The following SEMA3F variants were observed in gnomAD, a reference collection of about 807,000 sequenced individuals.
SEMA3F encodes semaphorin-3F.
SEMA3F carries 30 observed loss-of-function variants against 98.5 expected under a neutral mutation model. The ratio of observed to expected loss-of-function variants is 0.30; its 90% confidence interval spans 0.23 to 0.41. The LOEUF is 0.41. SEMA3F is among the 10% of genes least tolerant of loss of function. SEMA3F has a pLI of 1.00. For synonymous variants in SEMA3F, 380 were observed against 444.8 expected (o/e 0.85, Z 1.83); for missense variants, 866 against 1,119.3 (o/e 0.77, Z 3.23).
At chr3:50,185,631 C>G (rs776109296) in intron 14 of SEMA3F, 35 bp from the exon 15 acceptor site, 1 of 1,613,900 alleles carries the variant, frequency 6.2e-7, no homozygotes, top group Non-Finnish European at 8.5e-7. Context: ...GGAGGGGGTC[C>G]CTGGCATCCC....
At chr3:50,174,987 C>T (rs1031483165) in intron 5 of SEMA3F, 109 bp from the exon 6 acceptor site, 8 of 736,322 alleles carry the variant, frequency 1.1e-5, no homozygotes, top group African/African-American at 5.2e-5. Flanking sequence ...GGGGGGCCCA[C>T]GTGTTCACGT....
rs150035881 is a variant in SEMA3F, at chr3:50,180,982, G to T, written c.644-1302G>T. Among the ~76,000 whole-genome samples the T allele has an allele frequency of 1.9e-3, 284 of 151,930 alleles. 3 individuals are homozygous for T. Among genetic ancestry groups the T allele is most frequent in the African/African-American group, 6.1e-3 (254 of 41,406 alleles). Reference sequence around the variant, plus strand: ...CTTGGGAGGCTGAGGCAAGAGAGTTGCTTGAGCCTGGGAGGTGGAGGTTGT... The same window carrying T: ...CTTGGGAGGCTGAGGCAAGAGAGTTTCTTGAGCCTGGGAGGTGGAGGTTGT... On this transcript the variant is annotated intron_variant, in intron 7 of 18. Transcript: ENST00000002829.
Position 50,187,821 on chromosome 3 carries a change from C to T in SEMA3F, c.2064C>T (p.Val688=), listed in dbSNP as rs529928717. The T allele has an allele frequency of 1.2e-5, 19 of 1,613,496 alleles. No individual in the cohort carries two copies. The highest frequency in any genetic ancestry group is 2.2e-5 in the East Asian group (1 of 44,882). The change falls in exon 19 of 19, where the codon GTC becomes GTT. Residue 688 remains valine, a synonymous_variant. Transcript: ENST00000002829. ...CCACTGAGAACAACTTTAAGCACGTCGTCACACGAGTGCAGCTGCATGTAC... is the reference window on the plus strand; with the variant it reads ...CCACTGAGAACAACTTTAAGCACGTTGTCACACGAGTGCAGCTGCATGTAC... ...CTATENNFKH[V]VTRVQLHVLG...
At chr3:50,174,987 CGTGTTCACGT>C in intron 5 of SEMA3F, 99 bp from the exon 6 acceptor site, 1 of 736,440 alleles carries the variant, frequency 1.4e-6, no homozygotes, top group Non-Finnish European at 2.4e-6. Flanking sequence ...GGGGGGCCCA[CGTGTTCACGT>C]GTGTTCCTGG....
intron 18 of SEMA3F, 121 bp from the exon 19 acceptor site, chr3:50,187,584 T>G (rs752520044): frequency 2.6e-5 from 18 of 679,464 alleles, no homozygotes; most frequent in Non-Finnish European, 3.7e-5. Context: ...TTTTCTGGCA[T>G]ATGGAAATCC....
intron 2 of SEMA3F, among the ~76,000 whole-genome samples, chr3:50,165,511 G>A (rs1298353769): frequency 2.0e-5 from 3 of 152,226 alleles, no homozygotes. Flanking sequence ...CCTGCCGTGT[G>A]TCCTAGGGGT....
At chr3:50,183,119 A>G in intron 10 of SEMA3F, 67 bp from the exon 11 acceptor site, 1 of 1,569,062 alleles carries the variant, frequency 6.4e-7, no homozygotes, top group Non-Finnish European at 8.8e-7. Context: ...TCCCCTGTGC[A>G]GGAGTGGGTG....
chr3:50,183,307 T>C (rs1355883709), intron 11 of SEMA3F, 52 bp downstream of exon 11: 2 of 1,606,676 alleles, frequency 1.2e-6, no homozygotes, highest in African/African-American at 2.7e-5. Flanking sequence ...CGTTGGGGGA[T>C]TGTAACTCGT....
rs1490344216 is a variant in SEMA3F at position 50,185,678 on chromosome 3, G to A, written c.1558G>A (p.Val520Ile). 3.7e-6 allele frequency: 6 copies of A among 1,614,184 alleles called. No homozygotes were observed. Among genetic ancestry groups the A allele is most frequent in the South Asian group, 2.2e-5 (2 of 91,080 alleles). ...EVEVFKDPAP[V>I]KTMTISSKRQ... ...TATCTTTTTCTAGGATCCAGCACCC[G>A]TCAAGACCATGACCATCTCTTCTAA... Residue 520 changes from valine to isoleucine, a missense_variant, in exon 15 of 19, where the codon GTC (valine) becomes ATC (isoleucine). Around this residue, in one of 3 missense-constraint regions of SEMA3F, gnomAD observed 374 missense variants for 582.8 expected, o/e 0.64. Coordinates refer to ENST00000002829, the MANE Select transcript of SEMA3F (RefSeq NM_004186.5).
At chr3:50,181,643 A>T (rs1241965485) in intron 7 of SEMA3F, among the ~76,000 whole-genome samples, 17 of 142,538 alleles carry the variant, frequency 1.2e-4, no homozygotes, top group Non-Finnish European at 2.4e-4. Context: ...TTTTTTTAAG[A>T]TGGAGCCTTG....
intron 13 of SEMA3F, 140 bp downstream of exon 13, chr3:50,184,954 T>C (rs1392681819): frequency 3.0e-6 from 2 of 656,702 alleles, no homozygotes; most frequent in Admixed American, 5.4e-5. Context: ...TTTGGTGCCT[T>C]CTCCCTATTG....
chr3:50,172,842 A>G (rs1205565810), intron 2 of SEMA3F, among the ~76,000 whole-genome samples: 1 of 152,144 alleles, frequency 6.6e-6, no homozygotes, highest in African/African-American at 2.4e-5. Flanking sequence ...TCCAGGCTCC[A>G]TGCCAGAGTC....
intron 2 of SEMA3F, among the ~76,000 whole-genome samples, chr3:50,165,320 T>C (rs1206516632): frequency 2.0e-5 from 3 of 152,138 alleles, no homozygotes; most frequent in African/African-American, 7.2e-5. Flanking sequence ...CTGTTTCTGG[T>C]TTTTAAGCTC....
intron 12 of SEMA3F, chr3:50,184,236 T>G (rs987558980): frequency 3.2e-6 from 1 of 308,378 alleles, no homozygotes; most frequent in Non-Finnish European, 6.2e-6. Flanking sequence ...CGTCGGGGCC[T>G]GCAGTCCAGC....
chr3:50,172,177 C>T (rs1353298370), intron 2 of SEMA3F, among the ~76,000 whole-genome samples: 1 of 152,198 alleles, frequency 6.6e-6, no homozygotes, highest in Non-Finnish European at 1.5e-5. Flanking sequence ...GGAGATGAGA[C>T]ATGTGTGACC....
chr3:50,169,083 G>A (rs1471240427), intron 2 of SEMA3F, among the ~76,000 whole-genome samples: 1 of 152,164 alleles, frequency 6.6e-6, no homozygotes, highest in South Asian at 2.1e-4. Context: ...AACCAAGGGG[G>A]CGGGCTGCCC....
intron 7 of SEMA3F, among the ~76,000 whole-genome samples, chr3:50,180,792 C>T (rs1471407832): frequency 1.3e-5 from 2 of 152,122 alleles, no homozygotes; most frequent in African/African-American, 2.4e-5. Context: ...GTAGGCAAGG[C>T]GCGGTGGCTC....
intron 7 of SEMA3F, among the ~76,000 whole-genome samples, chr3:50,181,431 C>T (rs1699011866): frequency 6.6e-6 from 1 of 151,688 alleles, no homozygotes; most frequent in South Asian, 2.1e-4. Context: ...AAGGGATCTT[C>T]CTGCCTCAGC....
chr3:50,160,067 T>C (rs768748163), intron 2 of SEMA3F, among the ~76,000 whole-genome samples: 7 of 152,214 alleles, frequency 4.6e-5, no homozygotes, highest in African/African-American at 7.2e-5. Context: ...TCCAAACTTA[T>C]GTCTGCTGCG....
Sources: allele counts gnomAD v4.1 joint callset (sites outside exome capture counted in the v4.1 genomes callset), GRCh38; gene constraint gnomAD v4.1.1; regional missense constraint gnomAD v4.1.1; transcripts MANE v1.5; gene names NCBI Gene and HGNC (gene_info 2026-07-23, HGNC 2026-07-21).